The following NECAB2 variants were observed in gnomAD, a reference collection of about 807,000 sequenced individuals.
NECAB2 encodes the protein N-terminal EF-hand calcium binding protein 2.
In NECAB2, 68 loss-of-function variants were observed where a neutral mutation model predicts 51.9. The observed-to-expected ratio is 1.31, with a 90% confidence interval of 1.08 to 1.60. The LOEUF (loss-of-function observed/expected upper bound fraction) is 1.60. Ranked by LOEUF, NECAB2 falls within the 40% of genes most tolerant of loss-of-function variation. The probability of loss-of-function intolerance (pLI) is 0.00; values close to 1 mark genes in which losing one functional copy is unlikely to be tolerated. For synonymous variants in NECAB2, 329 were observed against 203.5 expected, an observed-to-expected ratio of 1.62 and a Z score of -5.25; for missense variants, 854 against 490.3, an observed-to-expected ratio of 1.74 and a Z score of -7.00.
At chr16:83,967,156 G>A (rs1164203783), upstream of NECAB2, among the ~76,000 whole-genome samples, 1 of 152,188 alleles carries the variant, frequency 6.6e-6, no homozygotes, top group Non-Finnish European at 1.5e-5. Context: ...ACAGGCATGA[G>A]CCACCACACC....
At chr16:83,978,649 CAGG>C (rs2084447550) in intron 3 of NECAB2, 97 bp downstream of exon 3, 1 of 1,067,392 alleles carries the variant, frequency 9.4e-7, no homozygotes, top group African/African-American at 1.6e-5. Flanking sequence ...CTGTAAGGGG[CAGG>C]AGAACTGAAA....
intron 3 of NECAB2, among the ~76,000 whole-genome samples, chr16:83,980,109 AG>A (rs2084466292): frequency 6.6e-6 from 1 of 152,210 alleles, no homozygotes; most frequent in Admixed American, 6.5e-5. Context: ...GAGCACGATG[AG>A]GGACCTAGGC....
chr16:83,969,496 G>A (rs2084325813), intron 1 of NECAB2, among the ~76,000 whole-genome samples: 3 of 148,854 alleles, frequency 2.0e-5, no homozygotes, highest in African/African-American at 7.5e-5. Context: ...TCCATTCCAA[G>A]TCCTCTGTTC....
At position 83,992,203 on chromosome 16, in the gene NECAB2, G is replaced by GT. The variant is rs1412071039; in HGVS notation, c.596+1574dup. ...GGACTGAAAGAGACGTGAAAGAGGA[G>GT]TGTTTCTTTCTGGTCTTGTGTTAGG... is the stretch of plus-strand genomic sequence containing the variant. On this transcript the variant is annotated intron_variant, in intron 6 of 12. Transcript: ENST00000305202. Among the ~76,000 whole-genome samples, 63 of 105,874 alleles carry GT rather than the reference G, an allele frequency of 6.0e-4. No homozygotes were observed. The South Asian group carries it at 0.015, about 25-fold the overall frequency. 69.5% of individuals were successfully genotyped at this position (105,874 alleles called of 152,430 possible). A position where few individuals can be genotyped will look rare whatever the true frequency, so the allele number is the denominator to read the frequency against.
At chr16:83,974,646 G>A (rs528639969) in intron 2 of NECAB2, among the ~76,000 whole-genome samples, 6 of 152,284 alleles carry the variant, frequency 3.9e-5, no homozygotes, top group African/African-American at 7.2e-5. Flanking sequence ...AACAAGGCTC[G>A]GAGATGGCAC....
rs2084608361 is a variant in NECAB2 at position 83,990,476 on chromosome 16, C to G, written c.460-18C>G. On this transcript the variant is annotated intron_variant, in intron 5 of 12. Coordinates refer to ENST00000305202, the MANE Select transcript of NECAB2 (RefSeq NM_019065.3). ...TCCCACCCCTTTCCCCTCAGTGCCTCTTCTCTTCCTTCCACAGGTATATGA... is the reference window on the plus strand; with the variant it reads ...TCCCACCCCTTTCCCCTCAGTGCCTGTTCTCTTCCTTCCACAGGTATATGA... 3.7e-6 allele frequency: 6 copies of G among 1,613,590 alleles called. No individual in the cohort carries two copies. Among genetic ancestry groups the G allele is most frequent in the South Asian group, 2.2e-5 (2 of 91,052 alleles).
chr16:83,997,155 T>G (rs2084715596), intron 8 of NECAB2, 61 bp from the exon 9 acceptor site: 1 of 1,605,610 alleles, frequency 6.2e-7, no homozygotes, highest in African/African-American at 1.3e-5. Flanking sequence ...CCAGAGCTCC[T>G]GGCTCCCCGG....
chr16:83,989,820 T>G (rs756354043), intron 5 of NECAB2, among the ~76,000 whole-genome samples: 12 of 152,146 alleles, frequency 7.9e-5, no homozygotes, highest in Non-Finnish European at 1.8e-4. Flanking sequence ...GGAAAAAACT[T>G]TCTTTTTCGT....
chr16:84,002,600 C>A lies in NECAB2; in HGVS notation c.*254C>A. ...GGCTTCCTGGAGCCAGCACCCCTGCCTCCTGGTCCTGGCCTCTCCCCTACC... is the reference window on the plus strand; with the variant it reads ...GGCTTCCTGGAGCCAGCACCCCTGCATCCTGGTCCTGGCCTCTCCCCTACC... On this transcript the variant is annotated 3_prime_UTR_variant, in exon 13 of 13. Transcript: ENST00000305202. 1.7e-6 allele frequency: 1 copy of A among 579,034 alleles called. No homozygotes were observed. The highest frequency in any genetic ancestry group is 2.0e-5 in the South Asian group (1 of 49,782). The allele number at this position is 579,034 out of a possible 1,614,324, so 35.9% of individuals were successfully genotyped here. A position where few individuals can be genotyped will look rare whatever the true frequency, so the allele number is the denominator to read the frequency against.
intron 5 of NECAB2, among the ~76,000 whole-genome samples, chr16:83,981,820 G>A (rs554085396): frequency 1.3e-5 from 2 of 152,188 alleles, no homozygotes; most frequent in Non-Finnish European, 2.9e-5. Context: ...CCCACGGTGA[G>A]GGAACTGGGA....
At chr16:83,995,424 A>C (rs2084683890) in intron 8 of NECAB2, among the ~76,000 whole-genome samples, 1 of 152,086 alleles carries the variant, frequency 6.6e-6, no homozygotes, top group South Asian at 2.1e-4. Context: ...CCCCTCCCTC[A>C]TAGGGGTGTC....
intron 3 of NECAB2, 42 bp from the exon 4 acceptor site, chr16:83,980,797 C>A: frequency 6.4e-7 from 1 of 1,556,230 alleles, no homozygotes; most frequent in Non-Finnish European, 8.7e-7. Context: ...TGCTAACCCC[C>A]TCTCTGTCTC....
upstream of NECAB2, among the ~76,000 whole-genome samples, chr16:83,967,795 G>A (rs1424670004): frequency 3.5e-5 from 5 of 144,804 alleles, no homozygotes; most frequent in Non-Finnish European, 4.5e-5. Flanking sequence ...GGATGCCAGG[G>A]AGGGAGGATG....
At chr16:83,998,474 G>T (rs1369856241) in intron 10 of NECAB2, among the ~76,000 whole-genome samples, 157 bp downstream of exon 10, 1 of 152,164 alleles carries the variant, frequency 6.6e-6, no homozygotes, top group African/African-American at 2.4e-5. Context: ...GGTCTCTACT[G>T]AGGTTCCTCC....
intron 2 of NECAB2, among the ~76,000 whole-genome samples, chr16:83,976,811 G>T (rs1387686494): frequency 6.6e-6 from 1 of 152,198 alleles, no homozygotes; most frequent in Non-Finnish European, 1.5e-5. Context: ...GTGGTGGCAT[G>T]AAACCTTGGC....
At position 83,990,520 on chromosome 16, in the gene NECAB2, C is replaced by G. The variant is rs776610171; in HGVS notation, c.486C>G (p.Asp162Glu). The G allele has an allele frequency of 3.1e-6, 5 of 1,614,122 alleles. No homozygotes were observed. The highest frequency in any genetic ancestry group is 3.3e-5 in the Admixed American group (2 of 60,024). ...KKVYEGGSNV[D>E]QFVTRFLLKE... ...TATATGAGGGTGGGAGCAACGTGGA[C>G]CAGTTTGTGACCCGCTTCCTCCTGA... Residue 162 changes from aspartate (D) to glutamate (E), a missense_variant, in exon 6 of 13, where the codon GAC becomes GAG. Transcript: ENST00000305202.
At chr16:83,983,479 C>A (rs907201424) in intron 5 of NECAB2, among the ~76,000 whole-genome samples, 2 of 152,144 alleles carry the variant, frequency 1.3e-5, no homozygotes, top group Non-Finnish European at 2.9e-5. Flanking sequence ...ATTTTAGAAT[C>A]CTTGTCAGCA....
intron 3 of NECAB2, among the ~76,000 whole-genome samples, chr16:83,979,954 C>T (rs2084462708): frequency 6.6e-6 from 1 of 152,180 alleles, no homozygotes; most frequent in Non-Finnish European, 1.5e-5. Context: ...GACAGGGTCG[C>T]TTTCTGCAGG....
At chr16:83,966,228 T>A, upstream of NECAB2, 1 of 551,964 alleles carries the variant, frequency 1.8e-6, no homozygotes, top group Non-Finnish European at 3.2e-6. Flanking sequence ...AGACCTGGGA[T>A]TTGTGGGGAA....
Sources: gnomAD v4.1 joint callset for allele counts (sites outside exome capture counted in the v4.1 genomes callset) on GRCh38, gnomAD v4.1.1 for gene constraint, MANE v1.5 for transcripts, NCBI Gene and HGNC (gene_info 2026-07-23, HGNC 2026-07-21) for gene names.